Variants in PCLO observed in about 807,000 individuals in gnomAD.
PCLO encodes the protein protein piccolo.
PCLO carries 82 observed loss-of-function variants against 427.5 expected under a neutral mutation model. That is an observed-to-expected ratio of 0.19 (90% CI 0.16 to 0.23). PCLO has a LOEUF of 0.23. Ranked by LOEUF, PCLO falls within the 10% of genes least tolerant of loss-of-function variation. The pLI, the probability that PCLO is intolerant of heterozygous loss-of-function variation, is 1.00. For missense variants in PCLO, 6,239 were observed against 6,115.9 expected (o/e 1.02, Z -0.67); for synonymous variants, 2,357 against 2,155.4 (o/e 1.09, Z -2.59).
At chr7:82,879,816 C>T (rs1562833656) in intron 9 of PCLO, 1 of 451,218 alleles carries the variant, frequency 2.2e-6, no homozygotes, top group Non-Finnish European at 4.4e-6. Context: ...GACTAAGGAA[C>T]ATTTTACTTA....
intron 20 of PCLO, among the ~76,000 whole-genome samples, chr7:82,814,540 A>G (rs1454662480): frequency 1.3e-5 from 2 of 151,356 alleles, no homozygotes; most frequent in Non-Finnish European, 3.0e-5. Flanking sequence ...TTTAAGCTGG[A>G]CAACAAGCTT....
rs192407485 is a variant in PCLO, at chr7:82,920,810, C to T, written c.11113-3937G>A. ...ATATGTATGTGCATTAATTCATTGT[C>T]AGAATTCTCTGAGCTCAACATGAGG... On this transcript the variant is annotated intron_variant, in intron 6 of 24. Coordinates refer to ENST00000333891, the MANE Select transcript of PCLO (RefSeq NM_033026.6). Among the ~76,000 whole-genome samples the T allele has an allele frequency of 2.0e-3, 308 of 151,760 alleles. 4 individuals carry two copies. Among genetic ancestry groups the T allele is most frequent in the Non-Finnish European group, 5.9e-4 (40 of 67,756 alleles).
intron 3 of PCLO, among the ~76,000 whole-genome samples, chr7:83,018,302 T>C (rs1263167935): frequency 1.3e-5 from 2 of 151,942 alleles, no homozygotes; most frequent in African/African-American, 4.8e-5. Flanking sequence ...GAATGTTAGA[T>C]ACATACAGAA....
At chr7:82,844,602 T>C (rs1296816040) in intron 13 of PCLO, among the ~76,000 whole-genome samples, 1 of 152,170 alleles carries the variant, frequency 6.6e-6, no homozygotes. Context: ...TTTTTTCGCA[T>C]GTATTTATCA....
chr7:82,947,677 C>T (rs1795235562), intron 6 of PCLO, among the ~76,000 whole-genome samples: 1 of 152,032 alleles, frequency 6.6e-6, no homozygotes, highest in South Asian at 2.1e-4. Flanking sequence ...GAAAAAAGAA[C>T]CAATGAATTG....
At chr7:82,947,523 T>A (rs1401502351) in intron 6 of PCLO, among the ~76,000 whole-genome samples, 1 of 152,156 alleles carries the variant, frequency 6.6e-6, no homozygotes, top group East Asian at 1.9e-4. Flanking sequence ...AATTATAAAA[T>A]TCACATCTTA....
chr7:83,045,345 C>T (rs576946958), intron 3 of PCLO, among the ~76,000 whole-genome samples: 1 of 152,090 alleles, frequency 6.6e-6, no homozygotes, highest in Non-Finnish European at 1.5e-5. Flanking sequence ...TTTCCTTATG[C>T]AATGCTATTG....
rs371998195 is a variant in PCLO at position 82,952,351 on chromosome 7, T to C, written c.8602A>G (p.Ile2868Val). The C allele has an allele frequency of 2.5e-6, 4 of 1,613,836 alleles. No homozygotes were observed. Among genetic ancestry groups the C allele is most frequent in the African/African-American group, 2.7e-5 (2 of 74,930 alleles). The change falls in exon 5 of 25, where the codon ATT (isoleucine) becomes GTT (valine). Residue 2868 changes from isoleucine (I) to valine (V), a missense_variant. This residue lies in a region of PCLO where 4,677 missense variants were observed against 4,468.4 expected (regional missense o/e 1.05). Transcript: ENST00000333891. ...GGAGGCACAGTGACAGGTTTTGTAA[T>C]AGCCAATGTCACTGCATGTGCTGGA... is the stretch of plus-strand genomic sequence containing the variant. ...GTPAHAVTLA[I>V]TKPVTVPPVG...
In PCLO at chr7:82,916,535, T is replaced by G. The variant is rs1364799959; in HGVS notation, c.11451A>C (p.Glu3817Asp). 1 of 1,613,746 alleles carries G rather than the reference T, an allele frequency of 6.2e-7. No homozygotes were observed. The highest frequency in any genetic ancestry group is 8.5e-7 in the Non-Finnish European group (1 of 1,179,764). The change falls in exon 7 of 25, where the codon GAA becomes GAC. Residue 3817 changes from glutamate (E) to aspartate (D), a missense_variant. Physicochemically the swap from Glu to Asp is conservative, Grantham distance 45. Around this residue, in one of 5 missense-constraint regions of PCLO, gnomAD observed 680 missense variants for 677.3 expected, o/e 1.00. Coordinates refer to ENST00000333891, the MANE Select transcript of PCLO (RefSeq NM_033026.6). Reference sequence around the variant, plus strand: ...CCTGGAGGTAGGCTCGTTCTCTCTTTTCTCTCTCCTTTAATAGGGCCTCTT... The same window carrying G: ...CCTGGAGGTAGGCTCGTTCTCTCTTGTCTCTCTCCTTTAATAGGGCCTCTT... ...RRKEALLKER[E>D]KRERAYLQGV... is the part of the protein sequence containing the mutation.
intron 3 of PCLO, among the ~76,000 whole-genome samples, chr7:82,991,517 C>T (rs1166185659): frequency 6.6e-6 from 1 of 151,988 alleles, no homozygotes; most frequent in Non-Finnish European, 1.5e-5. Flanking sequence ...AAAGTCTTTG[C>T]TCATAACTAC....
Position 82,956,029 on chromosome 7 carries a change from C to T in PCLO, c.4924G>A (p.Glu1642Lys). The part of the protein sequence containing the change: ...EDDEAFDESP[E>K]LKYRETKSQE... ...CTTTTAGTTTCTCTGTATTTAAGTTCAGGACTTTCATCAAATGCTTCATCG... is the reference window on the plus strand; with the variant it reads ...CTTTTAGTTTCTCTGTATTTAAGTTTAGGACTTTCATCAAATGCTTCATCG... The change falls in exon 5 of 25, where the codon GAA becomes AAA. Residue 1642 changes from glutamate (E) to lysine (K), a missense_variant. By Grantham distance (56) the Glu-to-Lys change is moderately conservative (BLOSUM62 1). Coordinates refer to ENST00000333891, the MANE Select transcript of PCLO (RefSeq NM_033026.6). The T allele has an allele frequency of 6.2e-7, 1 of 1,613,174 alleles. No homozygotes were observed. The highest frequency in any genetic ancestry group is 8.5e-7 in the Non-Finnish European group (1 of 1,179,864).
At chr7:82,923,984 T>C (rs1295430987) in intron 6 of PCLO, among the ~76,000 whole-genome samples, 1 of 152,062 alleles carries the variant, frequency 6.6e-6, no homozygotes, top group Non-Finnish European at 1.5e-5. Context: ...CATTGGCAAA[T>C]GTCTCCTGGA....
intron 3 of PCLO, among the ~76,000 whole-genome samples, chr7:83,058,327 A>T (rs573527855): frequency 6.6e-6 from 1 of 152,296 alleles, no homozygotes; most frequent in East Asian, 1.9e-4. Flanking sequence ...TTCTGCAGTT[A>T]AAAGTCAAAG....
At chr7:82,761,921 T>C (rs973949303) in intron 22 of PCLO, among the ~76,000 whole-genome samples, 2 of 152,026 alleles carry the variant, frequency 1.3e-5, no homozygotes, top group Non-Finnish European at 2.9e-5. Flanking sequence ...AAAGAAGTAA[T>C]AGATATGACT....
rs869061778 is a variant in PCLO at position 83,043,912 on chromosome 7, CTTTTTTTTTT to C, written c.3301-77435_3301-77426del. On this transcript the variant is annotated intron_variant, in intron 3 of 24. Coordinates refer to ENST00000333891, the MANE Select transcript of PCLO (RefSeq NM_033026.6). ...AACTCAATCTTATTACTATTATTTT[CTTTTTTTTTT>C]TTTTTTTTTTTTTGCATTCTATCTT... Among the ~76,000 whole-genome samples, 12 of 94,914 alleles carry C rather than the reference CTTTTTTTTTT, an allele frequency of 1.3e-4. No homozygotes were observed. In the East Asian group the frequency reaches 1.3e-3, roughly 10 times the overall value. 62.3% of individuals were successfully genotyped at this position (94,914 alleles called of 152,430 possible).
Position 82,866,680 on chromosome 7 carries a change from A to G in PCLO, c.13654+12657T>C, listed in dbSNP as rs577776239. ...TACACACACACACACACACACACACACACACACACACACACACCCCTTTAA... is the reference window on the plus strand; with the variant it reads ...TACACACACACACACACACACACACGCACACACACACACACACCCCTTTAA... On this transcript the variant is annotated intron_variant, in intron 10 of 24. Transcript: ENST00000333891. 1.2e-4 allele frequency among the ~76,000 whole-genome samples: 18 copies of G among 151,856 alleles called. No homozygotes were observed. In the South Asian group the frequency reaches 3.7e-3, roughly 32 times the overall value.
intron 3 of PCLO, among the ~76,000 whole-genome samples, chr7:83,030,997 G>A (rs1788652571): frequency 6.6e-6 from 1 of 152,128 alleles, no homozygotes; most frequent in Non-Finnish European, 1.5e-5. Context: ...CTGATATGGT[G>A]TCACAAGGCA....
chr7:83,017,349 A>G (rs1226912108), intron 3 of PCLO, among the ~76,000 whole-genome samples: 2 of 152,080 alleles, frequency 1.3e-5, no homozygotes, highest in African/African-American at 4.8e-5. Context: ...AAACTTTACC[A>G]GGGTGTAATT....
chr7:82,879,852 A>G (rs751618250), intron 9 of PCLO: 21 of 454,180 alleles, frequency 4.6e-5, no homozygotes, highest in Admixed American at 9.5e-5. Context: ...GACTATTCCA[A>G]ATTGAGAAGA....
Sources: gnomAD v4.1 joint callset for allele counts (sites outside exome capture counted in the v4.1 genomes callset) on GRCh38, gnomAD v4.1.1 for gene constraint, gnomAD v4.1.1 regional missense constraint, MANE v1.5 for transcripts, NCBI Gene and HGNC (gene_info 2026-07-23, HGNC 2026-07-21) for gene names.